The following RPS6KC1 variants were observed in gnomAD, a reference collection of about 807,000 sequenced individuals.
RPS6KC1 encodes the protein inactive ribosomal protein S6 kinase delta-1.
RPS6KC1 carries 54 observed loss-of-function variants against 103.8 expected under a neutral mutation model. The observed-to-expected ratio is 0.52, with a 90% CI of 0.42 to 0.65. The LOEUF is 0.65. RPS6KC1 is among the 30% of genes least tolerant of loss of function. The pLI is 0.00. For synonymous variants in RPS6KC1, 439 were observed against 438.7 expected (o/e 1.00, Z -0.01); for missense variants, 1,151 against 1,253.8 (o/e 0.92, Z 1.24).
the RPS6KC1 span, among the ~76,000 whole-genome samples, chr1:213,490,844 G>A: frequency 6.6e-6 from 1 of 152,180 alleles, no homozygotes; most frequent in Non-Finnish European, 1.5e-5. Flanking sequence ...GAGAGGGGAA[G>A]TTCGCAGAAT....
At chr1:213,793,746 T>A in the RPS6KC1 span, among the ~76,000 whole-genome samples, 1 of 152,140 alleles carries the variant, frequency 6.6e-6, no homozygotes, top group African/African-American at 2.4e-5. Flanking sequence ...AAAGTCAATA[T>A]CCCCCTTATG....
chr1:213,178,967 G>T (rs965288414), intron 8 of RPS6KC1, among the ~76,000 whole-genome samples: 4 of 152,060 alleles, frequency 2.6e-5, no homozygotes, highest in East Asian at 1.9e-4. Context: ...TGATCCACTC[G>T]CCTCGGCCTC....
At chr1:213,778,753 C>A in the RPS6KC1 span, among the ~76,000 whole-genome samples, 1 of 152,050 alleles carries the variant, frequency 6.6e-6, no homozygotes, top group Admixed American at 6.6e-5. Context: ...CAAGCAGAAC[C>A]TGTACCTTGG....
chr1:213,272,851 A>G lies in RPS6KC1; in HGVS notation c.*217A>G. On this transcript the variant is annotated 3_prime_UTR_variant, in exon 15 of 15. Coordinates refer to ENST00000366960, the MANE Select transcript of RPS6KC1 (RefSeq NM_012424.6). The stretch of plus-strand genomic sequence containing the variant: ...CAGGGGCTGTTATATACATATATAC[A>G]CAACCAAGGTGTGATCTGAATTTAA... The G allele has an allele frequency of 2.6e-6, 1 of 391,438 alleles. No homozygotes were observed. Among genetic ancestry groups the G allele is most frequent in the East Asian group, 4.6e-5 (1 of 21,658 alleles). The allele number at this position is 391,438 out of a possible 1,614,324, so 24.2% of individuals were successfully genotyped here.
the RPS6KC1 span, among the ~76,000 whole-genome samples, chr1:213,791,369 C>G: frequency 1.3e-5 from 2 of 152,106 alleles, no homozygotes; most frequent in African/African-American, 2.4e-5. Context: ...TGCTAACAAA[C>G]TCGTTGTATT....
intron 3 of RPS6KC1, among the ~76,000 whole-genome samples, chr1:213,083,100 G>C (rs2080053435): frequency 6.6e-6 from 1 of 152,146 alleles, no homozygotes; most frequent in African/African-American, 2.4e-5. Context: ...AAAGTTATAA[G>C]TAATTATATA....
chr1:213,644,726 T>A, the RPS6KC1 span, among the ~76,000 whole-genome samples: 1 of 152,280 alleles, frequency 6.6e-6, no homozygotes, highest in African/African-American at 2.4e-5. Context: ...GTGGAATTGC[T>A]CAGTCAAAGG....
At chr1:213,816,642 C>A in the RPS6KC1 span, among the ~76,000 whole-genome samples, 1 of 152,128 alleles carries the variant, frequency 6.6e-6, no homozygotes, top group South Asian at 2.1e-4. Flanking sequence ...TTATTCCCCC[C>A]TCTGCTCACC....
chr1:213,223,976 A>T (rs2093899769), intron 8 of RPS6KC1, among the ~76,000 whole-genome samples: 1 of 152,218 alleles, frequency 6.6e-6, no homozygotes, highest in Non-Finnish European at 1.5e-5. Context: ...CCAGACTTCC[A>T]GTGTCAACAT....
At chr1:213,460,722 G>C in the RPS6KC1 span, among the ~76,000 whole-genome samples, 1 of 152,072 alleles carries the variant, frequency 6.6e-6, no homozygotes, top group Non-Finnish European at 1.5e-5. Context: ...GCAGTGGCTG[G>C]TACCGGTTTT....
the RPS6KC1 span, among the ~76,000 whole-genome samples, chr1:213,515,283 T>C: frequency 2.6e-5 from 4 of 152,228 alleles, no homozygotes; most frequent in Non-Finnish European, 5.9e-5. Context: ...CTTTTGGTGT[T>C]TTAGACATGA....
the RPS6KC1 span, among the ~76,000 whole-genome samples, chr1:213,800,214 C>A: frequency 1.3e-5 from 2 of 152,114 alleles, no homozygotes; most frequent in Non-Finnish European, 2.9e-5. Context: ...TACCAAAAAC[C>A]AGAAGGAGGT....
the RPS6KC1 span, among the ~76,000 whole-genome samples, chr1:213,397,447 A>G: frequency 4.5e-4 from 68 of 152,170 alleles, no homozygotes; most frequent in African/African-American, 1.5e-3. Context: ...TTCAGCCTGT[A>G]GAAGAAAGTG....
intron 12 of RPS6KC1, among the ~76,000 whole-genome samples, chr1:213,254,093 G>C (rs189628775): frequency 3.3e-5 from 5 of 152,234 alleles, no homozygotes; most frequent in African/African-American, 1.2e-4. Flanking sequence ...TAAAGCAAAG[G>C]TAGGCAAAGC....
the RPS6KC1 span, among the ~76,000 whole-genome samples, chr1:213,341,227 C>T: frequency 6.6e-6 from 1 of 152,198 alleles, no homozygotes; most frequent in African/African-American, 2.4e-5. Context: ...GCTGCCTATA[C>T]CACCTTCTCA....
the RPS6KC1 span, among the ~76,000 whole-genome samples, chr1:213,399,977 T>C: frequency 6.6e-6 from 1 of 152,182 alleles, no homozygotes; most frequent in Non-Finnish European, 1.5e-5. Context: ...ATGGGCATTG[T>C]GTTCTTCCAA....
At chr1:213,100,131 T>G (rs2081883724) in intron 3 of RPS6KC1, among the ~76,000 whole-genome samples, 1 of 152,238 alleles carries the variant, frequency 6.6e-6, no homozygotes, top group Admixed American at 6.5e-5. Context: ...TTGGGCATTA[T>G]CAGCCTTTTT....
At chr1:213,504,247 A>T in the RPS6KC1 span, among the ~76,000 whole-genome samples, 44,263 of 152,102 alleles carry the variant, frequency 0.29, 8,175 homozygotes, top group East Asian at 0.61. Flanking sequence ...TAGTTAACTG[A>T]TTATATTTCT....
chr1:213,281,046 T>C, the RPS6KC1 span, among the ~76,000 whole-genome samples: 1 of 150,232 alleles, frequency 6.7e-6, no homozygotes, highest in Non-Finnish European at 1.5e-5. Flanking sequence ...ACACACACAC[T>C]GATTATGACC....
Sources: gnomAD v4.1 joint callset for allele counts (sites outside exome capture counted in the v4.1 genomes callset) on GRCh38, gnomAD v4.1.1 for gene constraint, MANE v1.5 for transcripts, NCBI Gene and HGNC (gene_info 2026-07-23, HGNC 2026-07-21) for gene names.